The following RNF212B variants were observed in gnomAD, a reference collection of about 807,000 sequenced individuals.
RNF212B encodes the protein ring finger protein 212B.
RNF212B carries 52 observed loss-of-function variants against 55.5 expected under a neutral mutation model. The ratio of observed to expected loss-of-function variants is 0.94; its 90% CI spans 0.75 to 1.18. The LOEUF (loss-of-function observed/expected upper bound fraction) is 1.18, where lower values mean the gene tolerates loss of function less well. Ranked by LOEUF, RNF212B falls within the 50% of genes most tolerant of loss-of-function variation. The pLI, the probability that RNF212B is intolerant of heterozygous loss-of-function variation, is 0.00. For missense variants in RNF212B, 289 were observed against 350.4 expected, an observed-to-expected ratio of 0.82 and a Z score of 1.40; for synonymous variants, 99 against 121.4, an observed-to-expected ratio of 0.82 and a Z score of 1.21.
At chr14:23,203,378 C>T (rs192273790) in intron 2 of RNF212B, among the ~76,000 whole-genome samples, 1 of 152,146 alleles carries the variant, frequency 6.6e-6, no homozygotes, top group East Asian at 1.9e-4. Context: ...CTGCTATAAA[C>T]ATGTGCGTGC....
chr14:23,233,942 C>G (rs919621165), upstream of RNF212B, among the ~76,000 whole-genome samples: 1 of 151,994 alleles, frequency 6.6e-6, no homozygotes, highest in Non-Finnish European at 1.5e-5. Flanking sequence ...ACTAAAAATA[C>G]AAAAATTAGC....
chr14:23,264,815 A>T, intron 11 of RNF212B, 144 bp downstream of exon 11: 2 of 395,814 alleles, frequency 5.1e-6, no homozygotes, highest in Non-Finnish European at 8.5e-6. Context: ...CATATATTAC[A>T]AGGTTTTTTT....
At chr14:23,240,488 C>A in intron 2 of RNF212B, 43 bp downstream of exon 2, 1 of 1,328,174 alleles carries the variant, frequency 7.5e-7, no homozygotes, top group Non-Finnish European at 1.1e-6. Flanking sequence ...AAAATGTTTT[C>A]ATGTAAGGAT....
intron 11 of RNF212B, among the ~76,000 whole-genome samples, chr14:23,266,978 T>C (rs1287958353): frequency 6.6e-6 from 1 of 152,192 alleles, no homozygotes; most frequent in Non-Finnish European, 1.5e-5. Flanking sequence ...TTTGTTTTCT[T>C]GTTTTTTTGA....
At chr14:23,204,858 G>C (rs1219866888) in intron 2 of RNF212B, among the ~76,000 whole-genome samples, 2 of 152,050 alleles carry the variant, frequency 1.3e-5, no homozygotes, top group Admixed American at 1.3e-4. Context: ...TGAGCATGGG[G>C]TATATTTTCA....
intron 11 of RNF212B, among the ~76,000 whole-genome samples, chr14:23,265,354 GT>G (rs1266598761): frequency 6.6e-6 from 1 of 152,136 alleles, no homozygotes; most frequent in African/African-American, 2.4e-5. Context: ...TCTTTGCTGT[GT>G]TTTAAACATA....
Position 23,188,460 on chromosome 14 carries a change from G to GTTTTTTTTTTTTTTT in RNF212B, c.-79+2973_-79+2987dup, listed in dbSNP as rs60659225. Reference sequence around the variant, plus strand: ...TTCATTATGTTTGACAAAGATTAGGGTTTTTTTTTTTTTTTTTAGAGATAG... The same window carrying GTTTTTTTTTTTTTTT: ...TTCATTATGTTTGACAAAGATTAGGGTTTTTTTTTTTTTTTTTTTTTTTTTTTTTTTTAGAGATAG... On this transcript the variant is annotated intron_variant, in intron 1 of 15. Coordinates refer to the RNF212B transcript ENST00000399910. 3 of 136,502 alleles carry GTTTTTTTTTTTTTTT rather than the reference G, an allele frequency of 2.2e-5. 1 individual carries two copies. The highest frequency in any genetic ancestry group is 3.1e-5 in the Non-Finnish European group (2 of 64,028). The allele number at this position is 136,502 out of a possible 1,614,324, so 8.5% of individuals were successfully genotyped here. A position where few individuals can be genotyped will look rare whatever the true frequency, so the allele number is the denominator to read the frequency against.
At chr14:23,230,606 A>T (rs1254611120) in intron 2 of RNF212B, among the ~76,000 whole-genome samples, 8 of 141,100 alleles carry the variant, frequency 5.7e-5, no homozygotes. Context: ...GTGAGCCGAG[A>T]TCGCGCCACT....
At chr14:23,241,100 G>A (rs186787497) in intron 2 of RNF212B, among the ~76,000 whole-genome samples, 3 of 152,204 alleles carry the variant, frequency 2.0e-5, no homozygotes, top group Admixed American at 1.3e-4. Flanking sequence ...GGGACTTGGG[G>A]TAGGGTGTTT....
At chr14:23,239,896 G>A (rs1383410561) in intron 1 of RNF212B, among the ~76,000 whole-genome samples, 1 of 152,050 alleles carries the variant, frequency 6.6e-6, no homozygotes, top group Non-Finnish European at 1.5e-5. Context: ...TGGGATTACA[G>A]GCGTGAGCCA....
At chr14:23,242,907 A>T (rs935397046) in intron 2 of RNF212B, among the ~76,000 whole-genome samples, 1 of 145,398 alleles carries the variant, frequency 6.9e-6, no homozygotes, top group African/African-American at 2.5e-5. Context: ...TGAGCCCGGG[A>T]GGTTGAGGCT....
In RNF212B at chr14:23,188,460, G is replaced by GTTTTTTTTTTTTTTTTTT. The variant is rs60659225; in HGVS notation, c.-79+2987_-79+2988insTTTTTTTTTTTTTTTTTT. On this transcript the variant is annotated intron_variant, in intron 1 of 15. Coordinates refer to the RNF212B transcript ENST00000399910. ...TTCATTATGTTTGACAAAGATTAGG[G>GTTTTTTTTTTTTTTTTTT]TTTTTTTTTTTTTTTTTAGAGATAG... The GTTTTTTTTTTTTTTTTTT allele has an allele frequency of 1.5e-5, 2 of 136,502 alleles. 1 individual carries two copies. The allele number at this position is 136,502 out of a possible 1,614,324, so 8.5% of individuals were successfully genotyped here. A position where few individuals can be genotyped will look rare whatever the true frequency, so the allele number is the denominator to read the frequency against.
chr14:23,196,304 C>T (rs778622429), intron 2 of RNF212B, among the ~76,000 whole-genome samples: 1 of 152,156 alleles, frequency 6.6e-6, no homozygotes, highest in Non-Finnish European at 1.5e-5. Context: ...TGCCCCGCTC[C>T]GCCATTATCA....
chr14:23,223,054 CAA>C lies in RNF212B; in HGVS notation c.-1-17275_-1-17274del, dbSNP rs55694130. 6.2e-3 allele frequency among the ~76,000 whole-genome samples: 772 copies of C among 124,794 alleles called. 4 individuals are homozygous for C. Among genetic ancestry groups the C allele is most frequent in the African/African-American group, 0.019 (632 of 32,982 alleles). The allele number at this position is 124,794 out of a possible 152,430, so 81.9% of individuals were successfully genotyped here. On this transcript the variant is annotated intron_variant, in intron 2 of 15. Transcript: ENST00000399910. ...GGGCAACAAGAGTGAAACTCCGTCT[CAA>C]AAAAAAAAAAAAAAAGGAAAAGAAA...
Position 23,256,560 on chromosome 14 carries a change from C to T in RNF212B, c.229-1989C>T, listed in dbSNP as rs985724655. 3.3e-5 allele frequency among the ~76,000 whole-genome samples: 5 copies of T among 151,978 alleles called. No individual in the cohort carries two copies. The South Asian group carries it at 6.2e-4, about 19-fold the overall frequency. ...CTAATTTTTGCATTTTTAATAGAGA[C>T]GGGGTTTTGCCATATTGGCCAGGCT... On this transcript the variant is annotated intron_variant, in intron 4 of 14. Transcript: ENST00000430154.
intron 1 of RNF212B, among the ~76,000 whole-genome samples, chr14:23,191,534 A>G (rs1309909044): frequency 6.6e-6 from 1 of 152,110 alleles, no homozygotes; most frequent in Non-Finnish European, 1.5e-5. Flanking sequence ...GGGTAATGAT[A>G]TTACAGTTAT....
At chr14:23,204,766 G>C (rs751309104) in intron 2 of RNF212B, among the ~76,000 whole-genome samples, 18 of 152,064 alleles carry the variant, frequency 1.2e-4, no homozygotes, top group Non-Finnish European at 2.4e-4. Context: ...GAAGAATGAT[G>C]GTGGTATTTT....
chr14:23,262,679 G>C lies in RNF212B; in HGVS notation c.449G>C (p.Arg150Pro), dbSNP rs1398107335. Residue 150 changes from arginine to proline, a missense_variant, in exon 8 of 15, where the codon CGA becomes CCA. Coordinates refer to ENST00000430154, the MANE Select transcript of RNF212B (RefSeq NM_001282322.3). ...TTCCCTTGCAGGTCAATCACACCTCGACCAGTGGGCATTACTTCCCCATCA... is the reference window on the plus strand; with the variant it reads ...TTCCCTTGCAGGTCAATCACACCTCCACCAGTGGGCATTACTTCCCCATCA... ...RYQGSRSITPRPVGITSPSQS... is the reference protein window; with the variant it reads ...RYQGSRSITPPPVGITSPSQS... 2 of 1,549,950 alleles carry C rather than the reference G, an allele frequency of 1.3e-6. No individual in the cohort carries two copies. Among genetic ancestry groups the C allele is most frequent in the South Asian group, 2.4e-5 (2 of 84,022 alleles).
chr14:23,226,316 ATT>A (rs1491518950), intron 2 of RNF212B, among the ~76,000 whole-genome samples: 1 of 133,772 alleles, frequency 7.5e-6, no homozygotes, highest in African/African-American at 3.0e-5. Context: ...AAAAAAAAAA[ATT>A]AAATAAATAA....
Sources: allele counts gnomAD v4.1 joint callset (sites outside exome capture counted in the v4.1 genomes callset), GRCh38; gene constraint gnomAD v4.1.1; transcripts MANE v1.5; gene names NCBI Gene and HGNC (gene_info 2026-07-23, HGNC 2026-07-21).